The following TMC6 variants were observed in gnomAD, a reference collection of about 807,000 sequenced individuals.
The protein encoded by TMC6 is transmembrane channel-like protein 6.
A neutral mutation model predicts 95.4 loss-of-function variants in TMC6; 71 were observed. The observed-to-expected ratio is 0.74, with a 90% CI of 0.61 to 0.91. The LOEUF (loss-of-function observed/expected upper bound fraction) is 0.91, where lower values mean the gene tolerates loss of function less well. Among genes scored for constraint, TMC6 ranks in the 40% least tolerant of loss-of-function variants. The probability of loss-of-function intolerance (pLI) is 0.00; values close to 1 mark genes in which losing one functional copy is unlikely to be tolerated. For missense variants in TMC6, 1,074 were observed against 1,079.1 expected (o/e 1.00, Z 0.07); for synonymous variants, 514 against 483.1 (o/e 1.06, Z -0.84).
intron 13 of TMC6, chr17:78,120,084 C>T (rs971293744): frequency 1.1e-4 from 39 of 353,756 alleles, no homozygotes; most frequent in African/African-American, 6.4e-4. Context: ...AATGTTCCTC[C>T]GCTGTCTGTT....
chr17:78,125,998 C>T (rs1325963824), intron 4 of TMC6, 114 bp from the exon 5 acceptor site: 1 of 1,433,698 alleles, frequency 7.0e-7, no homozygotes, highest in East Asian at 2.5e-5. Flanking sequence ...CCAGGAAAAT[C>T]CTTTCAACAA....
At chr17:78,115,245 A>G (rs1325736496) in intron 18 of TMC6, among the ~76,000 whole-genome samples, 1 of 152,206 alleles carries the variant, frequency 6.6e-6, no homozygotes, top group Non-Finnish European at 1.5e-5. Flanking sequence ...CAGCAGGGTC[A>G]CATGGCTGCC....
At chr17:78,115,463 A>C (rs2074021084) in intron 18 of TMC6, among the ~76,000 whole-genome samples, 1 of 152,152 alleles carries the variant, frequency 6.6e-6, no homozygotes, top group Admixed American at 6.5e-5. Context: ...GCAGGACGCA[A>C]GCCTGGAAAA....
At position 78,111,495 on chromosome 17, in the gene TMC6, C is replaced by T. The variant is rs543238459; in HGVS notation, c.*1653G>A. On this transcript the variant is annotated 3_prime_UTR_variant, in exon 20 of 20. Transcript: ENST00000590602. ...TCGGTCCCTGTGGACTGTCACGTCA[C>T]TTTCTGGACTGCCCACGCAGCTTCA... The T allele has an allele frequency of 2.7e-4, 41 of 152,574 alleles. No homozygotes were observed. The highest frequency in any genetic ancestry group is 9.9e-4 in the African/African-American group (41 of 41,602). The allele number at this position is 152,574 out of a possible 1,614,324, so 9.5% of individuals were successfully genotyped here.
chr17:78,131,986 CCCGGGGCCTTGGG>C, upstream of TMC6: 1 of 1,526,790 alleles, frequency 6.5e-7, no homozygotes, highest in Non-Finnish European at 8.7e-7. Flanking sequence ...CAGCGGCTGG[CCCGGGGCCTTGGG>C]CTCTGGGAGG....
intron 16 of TMC6, 25 bp from the exon 17 acceptor site, chr17:78,117,669 C>A: frequency 6.4e-7 from 1 of 1,557,856 alleles, no homozygotes; most frequent in East Asian, 2.4e-5. Flanking sequence ...GACCAGGAAC[C>A]CTCACCCCGA....
rs77261543 is a variant in TMC6 at position 78,122,192 on chromosome 17, C to T, written c.1227+413G>A. Among the ~76,000 whole-genome samples the T allele has an allele frequency of 0.019, 2,934 of 152,244 alleles. 85 individuals carry two copies. The highest frequency in any genetic ancestry group is 0.067 in the African/African-American group (2,765 of 41,534). On this transcript the variant is annotated intron_variant, in intron 10 of 19. Transcript: ENST00000590602. This position sits in a 1 kb window ranked among gnomAD's most constrained non-coding sequence, Gnocchi z 4.9. Reference sequence around the variant, plus strand: ...CAGCCTCCTGGCCCCGCAACCTCTACGAGGGCCTCGGCCTCTATGCCTCAG... The same window carrying T: ...CAGCCTCCTGGCCCCGCAACCTCTATGAGGGCCTCGGCCTCTATGCCTCAG...
chr17:78,122,810 G>A lies in TMC6; in HGVS notation c.1083-61C>T. The A allele has an allele frequency of 6.3e-7, 1 of 1,576,648 alleles. No homozygotes were observed. The highest frequency in any genetic ancestry group is 2.3e-5 in the East Asian group (1 of 42,598). The stretch of plus-strand genomic sequence containing the variant: ...AGCTGACGGGCAGAGGCCAAGGGGA[G>A]AAGGCAGACCGGATGCTCTGGGCAG... On this transcript the variant is annotated intron_variant, in intron 9 of 19. Coordinates refer to ENST00000590602, the MANE Select transcript of TMC6 (RefSeq NM_001127198.5). This position sits in a 1 kb window ranked among gnomAD's most constrained non-coding sequence, Gnocchi z 4.9.
chr17:78,116,014 G>A (rs1230331081), intron 18 of TMC6, among the ~76,000 whole-genome samples: 1 of 152,012 alleles, frequency 6.6e-6, no homozygotes, highest in Non-Finnish European at 1.5e-5. Flanking sequence ...TCACTCCCAT[G>A]ACACAGCATG....
chr17:78,108,324 G>A lies in TMC6; in HGVS notation c.*4824C>T, dbSNP rs535618375. 62 of 154,712 alleles carry A rather than the reference G, an allele frequency of 4.0e-4. No individual in the cohort carries two copies. Among genetic ancestry groups the A allele is most frequent in the African/African-American group, 1.4e-3 (57 of 41,622 alleles). 9.6% of individuals were successfully genotyped at this position (154,712 alleles called of 1,614,324 possible). On this transcript the variant is annotated 3_prime_UTR_variant, in exon 20 of 20. Coordinates refer to ENST00000590602, the MANE Select transcript of TMC6 (RefSeq NM_001127198.5). ...ACTCTTTTGGAAATTGAGAAGGAAA[G>A]CATTGAGTGGGACCTAATCCGGAGA...
rs2073774631 is a variant in TMC6, at chr17:78,109,205, C to A, written c.*3943G>T. 5.9e-6 allele frequency: 2 copies of A among 338,478 alleles called. No individual in the cohort carries two copies. Among genetic ancestry groups the A allele is most frequent in the Non-Finnish European group, 1.2e-5 (2 of 170,096 alleles). 21.0% of individuals were successfully genotyped at this position (338,478 alleles called of 1,614,324 possible). ...GCCCAGCAGCTAGCAGTGTGGCGTGCCAAGAAGGCTGTTCCAATGGGGGAG... is the reference window on the plus strand; with the variant it reads ...GCCCAGCAGCTAGCAGTGTGGCGTGACAAGAAGGCTGTTCCAATGGGGGAG... On this transcript the variant is annotated 3_prime_UTR_variant, in exon 20 of 20. Coordinates refer to ENST00000590602, the MANE Select transcript of TMC6 (RefSeq NM_001127198.5).
chr17:78,119,437 A>G (rs369387734), intron 13 of TMC6, 45 bp from the exon 14 acceptor site: 2 of 1,604,566 alleles, frequency 1.2e-6, no homozygotes, highest in Non-Finnish European at 1.7e-6. Flanking sequence ...AGCCATGCCC[A>G]GGGAGGCCAG....
Position 78,113,630 on chromosome 17 carries a change from A to C in TMC6, c.2278-6T>G, listed in dbSNP as rs1225177306. On this transcript the variant is annotated splice_region_variant and splice_polypyrimidine_tract_variant and intron_variant, in intron 18 of 19. Coordinates refer to ENST00000590602, the MANE Select transcript of TMC6 (RefSeq NM_001127198.5). ...AAGATTTTGTCCTCACCCTCCTAGA[A>C]AGGCCAGAACACAAAGGGGAGGAGA... 4 of 1,613,304 alleles carry C rather than the reference A, an allele frequency of 2.5e-6. No individual in the cohort carries two copies. The African/African-American group carries it at 5.3e-5, about 22-fold the overall frequency.
chr17:78,115,968 G>A (rs1222938213), intron 18 of TMC6, among the ~76,000 whole-genome samples: 1 of 151,876 alleles, frequency 6.6e-6, no homozygotes, highest in Non-Finnish European at 1.5e-5. Context: ...CCTGGGGGCT[G>A]CCTCTCCGGT....
chr17:78,119,285 G>A lies in TMC6; in HGVS notation c.1811+12C>T, dbSNP rs766050329. The stretch of plus-strand genomic sequence containing the variant: ...GGGGCCAGACAGTAGGAGGCAAGCA[G>A]AGGACCCTCACCAGGTCAGAGTCTG... On this transcript the variant is annotated intron_variant, in intron 14 of 19. Transcript: ENST00000590602. 2 of 1,613,874 alleles carry A rather than the reference G, an allele frequency of 1.2e-6. No homozygotes were observed. The highest frequency in any genetic ancestry group is 1.7e-6 in the Non-Finnish European group (2 of 1,179,948).
intron 15 of TMC6, among the ~76,000 whole-genome samples, chr17:78,118,435 A>T (rs1458346808): frequency 6.6e-6 from 1 of 152,352 alleles, no homozygotes; most frequent in African/African-American, 2.4e-5. Flanking sequence ...GGGCGCCTGT[A>T]GTCCCAGCCA....
chr17:78,112,907 C>T lies in TMC6; in HGVS notation c.*241G>A. 1 of 564,806 alleles carries T rather than the reference C, an allele frequency of 1.8e-6. No individual in the cohort carries two copies. The highest frequency in any genetic ancestry group is 3.1e-6 in the Non-Finnish European group (1 of 319,418). 35.0% of individuals were successfully genotyped at this position (564,806 alleles called of 1,614,324 possible). A position where few individuals can be genotyped will look rare whatever the true frequency, so the allele number is the denominator to read the frequency against. On this transcript the variant is annotated 3_prime_UTR_variant, in exon 20 of 20. Coordinates refer to ENST00000590602, the MANE Select transcript of TMC6 (RefSeq NM_001127198.5). ...GGGTGTGGTCACAGACACAGAGCCCCAAGGGACAAGCCCATTTGCAAAACC... is the reference window on the plus strand; with the variant it reads ...GGGTGTGGTCACAGACACAGAGCCCTAAGGGACAAGCCCATTTGCAAAACC...
At chr17:78,127,022 C>T in intron 1 of TMC6, 116 bp from the exon 2 acceptor site, 1 of 678,476 alleles carries the variant, frequency 1.5e-6, no homozygotes, top group Non-Finnish European at 2.6e-6. Context: ...CAGTCCCGCC[C>T]ACCCCCCTAT....
At chr17:78,126,073 T>C in intron 4 of TMC6, 189 bp from the exon 5 acceptor site, 1 of 1,128,418 alleles carries the variant, frequency 8.9e-7, no homozygotes. Flanking sequence ...GGAGTCATTT[T>C]TGGAGCCCAG....
Sources: gnomAD v4.1 joint callset for allele counts (sites outside exome capture counted in the v4.1 genomes callset) on GRCh38, gnomAD v4.1.1 for gene constraint, Gnocchi (gnomAD v3.1) non-coding constraint, MANE v1.5 for transcripts, NCBI Gene and HGNC (gene_info 2026-07-23, HGNC 2026-07-21) for gene names.